GALNT16: variants seen among roughly 807,000 people sequenced by gnomAD.
GALNT16 encodes the protein UDP-GalNAc:polypeptide N-acetylgalactosaminyltransferase-like protein 1.
Under a neutral mutation model 76.1 loss-of-function variants are expected in GALNT16, and 40 were observed. The observed-to-expected ratio is 0.53, with a 90% confidence interval of 0.41 to 0.68. GALNT16 has a LOEUF of 0.68. GALNT16 is among the 30% of genes least tolerant of loss of function. The probability of loss-of-function intolerance (pLI) is 0.00; values close to 1 mark genes in which losing one functional copy is unlikely to be tolerated. For missense variants in GALNT16, 621 were observed against 731.9 expected, an observed-to-expected ratio of 0.85 and a Z score of 1.75; for synonymous variants, 276 against 285.2, an observed-to-expected ratio of 0.97 and a Z score of 0.32.
At chr14:69,286,563 C>T (rs1425664150) in intron 1 of GALNT16, among the ~76,000 whole-genome samples, 1 of 152,126 alleles carries the variant, frequency 6.6e-6, no homozygotes, top group Non-Finnish European at 1.5e-5. Context: ...CTCAGCCTTC[C>T]AAAGTGCTGG....
chr14:69,262,210 G>C (rs1566855782), intron 1 of GALNT16, among the ~76,000 whole-genome samples: 1 of 152,210 alleles, frequency 6.6e-6, no homozygotes, highest in Non-Finnish European at 1.5e-5. Context: ...GGAGAAAGAG[G>C]CTGGGCAGGG....
At chr14:69,316,535 TG>T (rs2045102776) in intron 1 of GALNT16, among the ~76,000 whole-genome samples, 1 of 152,030 alleles carries the variant, frequency 6.6e-6, no homozygotes, top group South Asian at 2.1e-4. Flanking sequence ...AGGGTCGGGT[TG>T]GGGTCACAGA....
Position 69,324,770 on chromosome 14 carries a change from C to G in GALNT16, c.414C>G (p.Thr138=). 6.2e-7 allele frequency: 1 copy of G among 1,611,032 alleles called. No individual in the cohort carries two copies. Among genetic ancestry groups the G allele is most frequent in the Non-Finnish European group, 8.5e-7 (1 of 1,177,966 alleles). Residue 138 remains threonine (T), a synonymous_variant, in exon 3 of 15, where the codon ACC becomes ACG. Coordinates refer to ENST00000448469, the MANE Select transcript of GALNT16 (RefSeq NM_001168368.2). ...IITFHNEARS[T]LLRTVKSVLN... is the part of the protein sequence containing the mutation. ...CCTTCCACAATGAGGCCCGTTCCAC[C>G]CTGCTGCGCACAGTGAAGAGGTAAG...
At chr14:69,278,991 G>T (rs2044507355) in intron 1 of GALNT16, among the ~76,000 whole-genome samples, 1 of 151,826 alleles carries the variant, frequency 6.6e-6, no homozygotes, top group Non-Finnish European at 1.5e-5. Flanking sequence ...GGGTGCAGTG[G>T]CACAGTATCA....
the GALNT16 span, among the ~76,000 whole-genome samples, chr14:69,366,793 A>G: frequency 6.6e-6 from 1 of 152,240 alleles, no homozygotes; most frequent in Non-Finnish European, 1.5e-5. Flanking sequence ...ACATATGTTG[A>G]GAACCTATGA....
chr14:69,363,223 A>G, the GALNT16 span, among the ~76,000 whole-genome samples: 2 of 152,298 alleles, frequency 1.3e-5, no homozygotes, highest in East Asian at 3.9e-4. Context: ...GGGGCCGTAG[A>G]GCACGCATGG....
At chr14:69,322,743 T>C (rs2045206476) in intron 2 of GALNT16, among the ~76,000 whole-genome samples, 1 of 151,924 alleles carries the variant, frequency 6.6e-6, no homozygotes, top group Non-Finnish European at 1.5e-5. Context: ...ATACAAAAAT[T>C]AGCTGGGTGT....
intron 2 of GALNT16, among the ~76,000 whole-genome samples, chr14:69,321,774 C>T (rs1412967278): frequency 2.0e-5 from 3 of 152,232 alleles, no homozygotes. Context: ...TCCTTCCCAA[C>T]CCGGGCTAGG....
chr14:69,314,144 G>A (rs1436026473), intron 1 of GALNT16, among the ~76,000 whole-genome samples: 1 of 152,204 alleles, frequency 6.6e-6, no homozygotes, highest in Non-Finnish European at 1.5e-5. Context: ...TGTGGCCAAG[G>A]TTGAGAACTA....
intron 1 of GALNT16, among the ~76,000 whole-genome samples, chr14:69,264,093 G>T (rs1193564313): frequency 6.6e-6 from 1 of 152,228 alleles, no homozygotes. Context: ...ACAGGCATGG[G>T]TGGGAGGCTA....
At chr14:69,326,565 C>G (rs1057101087) in intron 5 of GALNT16, among the ~76,000 whole-genome samples, 1 of 152,110 alleles carries the variant, frequency 6.6e-6, no homozygotes, top group African/African-American at 2.4e-5. Context: ...CAGAGGAGAG[C>G]TGGAGTGAGC....
intron 1 of GALNT16, among the ~76,000 whole-genome samples, chr14:69,289,956 C>T (rs905299912): frequency 6.6e-6 from 1 of 152,106 alleles, no homozygotes; most frequent in Non-Finnish European, 1.5e-5. Context: ...CCAGGGTAGC[C>T]TTGTACTCCT....
At chr14:69,281,184 T>C (rs1332930757) in intron 1 of GALNT16, among the ~76,000 whole-genome samples, 4 of 152,158 alleles carry the variant, frequency 2.6e-5, no homozygotes, top group African/African-American at 9.7e-5. Flanking sequence ...GACTCTGCAG[T>C]GGTTGAACCT....
chr14:69,310,672 C>T (rs142376729), intron 1 of GALNT16, among the ~76,000 whole-genome samples: 152 of 152,244 alleles, frequency 1.0e-3, no homozygotes, highest in African/African-American at 3.6e-3. Context: ...ATGCTATGAT[C>T]GGAACATTTG....
the GALNT16 span, among the ~76,000 whole-genome samples, chr14:69,378,556 G>A: frequency 6.6e-6 from 1 of 152,192 alleles, no homozygotes; most frequent in Non-Finnish European, 1.5e-5. Flanking sequence ...CTTTTTCTGT[G>A]TATTATGGGA....
rs983517378 is a variant in GALNT16 at position 69,354,301 on chromosome 14, T to A, written c.*2133T>A. 2.6e-5 allele frequency: 4 copies of A among 152,782 alleles called. No individual in the cohort carries two copies. Among genetic ancestry groups the A allele is most frequent in the African/African-American group, 9.6e-5 (4 of 41,464 alleles). 9.5% of individuals were successfully genotyped at this position (152,782 alleles called of 1,614,324 possible). A position where few individuals can be genotyped will look rare whatever the true frequency, so the allele number is the denominator to read the frequency against. Reference sequence around the variant, plus strand: ...TCAAGAGGGTCTCTCTGTCCTTTGCTGTGGTCAGATCAGGCTCTGCACTTA... The same window carrying A: ...TCAAGAGGGTCTCTCTGTCCTTTGCAGTGGTCAGATCAGGCTCTGCACTTA... On this transcript the variant is annotated 3_prime_UTR_variant, in exon 15 of 15. Coordinates refer to ENST00000448469, the MANE Select transcript of GALNT16 (RefSeq NM_001168368.2).
the GALNT16 span, among the ~76,000 whole-genome samples, chr14:69,362,130 G>T: frequency 1.3e-5 from 2 of 152,214 alleles, no homozygotes; most frequent in African/African-American, 4.8e-5. Flanking sequence ...CTGCCTTGGG[G>T]CCAGGCATCT....
intron 12 of GALNT16, among the ~76,000 whole-genome samples, chr14:69,345,868 G>A (rs897569780): frequency 5.9e-5 from 9 of 151,534 alleles, no homozygotes; most frequent in Admixed American, 2.6e-4. Context: ...TCATTTCACA[G>A]AGTCATTTTT....
chr14:69,270,051 G>C (rs1163759786), intron 1 of GALNT16, among the ~76,000 whole-genome samples: 1 of 152,002 alleles, frequency 6.6e-6, no homozygotes, highest in Non-Finnish European at 1.5e-5. Flanking sequence ...GGTTCGTGGT[G>C]TTCTCTTCTG....
Sources: gnomAD v4.1 joint callset for allele counts (sites outside exome capture counted in the v4.1 genomes callset) on GRCh38, gnomAD v4.1.1 for gene constraint, MANE v1.5 for transcripts, NCBI Gene and HGNC (gene_info 2026-07-23, HGNC 2026-07-21) for gene names.